Variants in CDC42BPA observed in about 807,000 individuals in gnomAD.
CDC42BPA encodes the protein CDC42 binding protein kinase alpha.
CDC42BPA carries 80 observed loss-of-function variants against 223.5 expected under a neutral mutation model. The ratio of observed to expected loss-of-function variants is 0.36; its 90% CI spans 0.30 to 0.43. The LOEUF (loss-of-function observed/expected upper bound fraction) is 0.43, where lower values mean the gene tolerates loss of function less well. CDC42BPA is among the 20% of genes least tolerant of loss of function. CDC42BPA has a pLI of 1.00. For missense variants in CDC42BPA, 1,743 were observed against 2,099.9 expected (o/e 0.83, Z 3.32); for synonymous variants, 694 against 718.6 (o/e 0.97, Z 0.55).
intron 5 of CDC42BPA, among the ~76,000 whole-genome samples, chr1:227,166,383 G>C (rs911965181): frequency 3.3e-5 from 5 of 152,154 alleles, no homozygotes; most frequent in African/African-American, 4.8e-5. Context: ...GCTGGTATGA[G>C]GCAGAATTTG....
At chr1:227,279,885 C>A (rs1038419090) in intron 1 of CDC42BPA, among the ~76,000 whole-genome samples, 2 of 151,990 alleles carry the variant, frequency 1.3e-5, no homozygotes, top group Non-Finnish European at 2.9e-5. Context: ...GGTGAAACCC[C>A]ATCTCTAATA....
intron 34 of CDC42BPA, among the ~76,000 whole-genome samples, chr1:227,005,392 C>A (rs1318986877): frequency 6.6e-6 from 1 of 152,136 alleles, no homozygotes; most frequent in Non-Finnish European, 1.5e-5. Flanking sequence ...TAAGTAAAAG[C>A]TATATGGTTA....
chr1:227,205,396 AAAC>A (rs1035063125), intron 3 of CDC42BPA, among the ~76,000 whole-genome samples: 1 of 151,782 alleles, frequency 6.6e-6, no homozygotes, highest in Non-Finnish European at 1.5e-5. Flanking sequence ...AGAAGTGAAA[AAAC>A]AATACATATT....
chr1:227,089,636 T>G (rs906410619), intron 16 of CDC42BPA, among the ~76,000 whole-genome samples: 2 of 137,814 alleles, frequency 1.5e-5, no homozygotes, highest in African/African-American at 2.7e-5. Flanking sequence ...CGTTTTTTTT[T>G]TTTTTTTTTT....
chr1:226,992,245 CTTCA>C lies in CDC42BPA; in HGVS notation c.*2019_*2022del, dbSNP rs962950721. On this transcript the variant is annotated 3_prime_UTR_variant, in exon 37 of 37. Coordinates refer to ENST00000366766, the MANE Select transcript of CDC42BPA (RefSeq NM_001394014.1). Reference sequence around the variant, plus strand: ...TTCAGGTGAGAAAAGTATTTTTATACTTCATTCTAAAAAGCAGAAAGATTTGGGA... The same window carrying C: ...TTCAGGTGAGAAAAGTATTTTTATACTTCTAAAAAGCAGAAAGATTTGGGA... 6.6e-6 allele frequency: 1 copy of C among 152,172 alleles called. No homozygotes were observed. Among genetic ancestry groups the C allele is most frequent in the African/African-American group, 2.4e-5 (1 of 41,440 alleles). The allele number at this position is 152,172 out of a possible 1,614,324, so 9.4% of individuals were successfully genotyped here. A position where few individuals can be genotyped will look rare whatever the true frequency, so the allele number is the denominator to read the frequency against.
chr1:227,066,064 C>A (rs757895510), intron 21 of CDC42BPA, among the ~76,000 whole-genome samples: 9 of 152,118 alleles, frequency 5.9e-5, no homozygotes, highest in Non-Finnish European at 1.3e-4. Flanking sequence ...AGATTTGGCA[C>A]AGAGAACAAC....
At chr1:227,115,468 A>G (rs1284059774) in intron 12 of CDC42BPA, among the ~76,000 whole-genome samples, 2 of 151,986 alleles carry the variant, frequency 1.3e-5, no homozygotes, top group African/African-American at 4.8e-5. Context: ...ACATCACTAT[A>G]ATGAAAAATT....
intron 7 of CDC42BPA, 60 bp from the exon 8 acceptor site, chr1:227,145,797 T>A: frequency 7.4e-7 from 1 of 1,342,610 alleles, no homozygotes; most frequent in Non-Finnish European, 1.0e-6. Context: ...AAGTAGTTGG[T>A]TGACTTATTT....
chr1:227,081,296 A>G (rs989576682), intron 16 of CDC42BPA, among the ~76,000 whole-genome samples: 1 of 151,690 alleles, frequency 6.6e-6, no homozygotes, highest in Non-Finnish European at 1.5e-5. Flanking sequence ...TTTTTTCTCC[A>G]AAAATGTCTT....
chr1:227,012,925 CAATAAA>C (rs1665499000), intron 34 of CDC42BPA, among the ~76,000 whole-genome samples: 2 of 151,902 alleles, frequency 1.3e-5, no homozygotes, highest in African/African-American at 4.8e-5. Context: ...AGTAAGTGCT[CAATAAA>C]TATTTGTTAG....
At chr1:227,154,375 C>T (rs563805291) in intron 6 of CDC42BPA, among the ~76,000 whole-genome samples, 1 of 151,832 alleles carries the variant, frequency 6.6e-6, no homozygotes, top group Admixed American at 6.6e-5. Flanking sequence ...TCATTAGACT[C>T]CATGGTAAGA....
intron 24 of CDC42BPA, among the ~76,000 whole-genome samples, chr1:227,038,109 A>G (rs1236025645): frequency 1.3e-5 from 2 of 152,192 alleles, no homozygotes; most frequent in Non-Finnish European, 2.9e-5. Flanking sequence ...TGGGAGGGAC[A>G]CAGTGGGAGG....
At chr1:226,999,036 C>CA (rs527238781) in intron 35 of CDC42BPA, among the ~76,000 whole-genome samples, 4 of 151,734 alleles carry the variant, frequency 2.6e-5, no homozygotes, top group East Asian at 3.9e-4. Context: ...AAGAAACATA[C>CA]AAAAAAAAGC....
In CDC42BPA at chr1:227,147,639, CATT is replaced by C. The variant is rs1471267035; in HGVS notation, c.694-83_694-81del. 68 of 693,532 alleles carry C rather than the reference CATT, an allele frequency of 9.8e-5. 1 individual carries two copies. The highest frequency in any genetic ancestry group is 3.0e-4 in the Admixed American group (9 of 29,786). 43.0% of individuals were successfully genotyped at this position (693,532 alleles called of 1,614,324 possible). ...ATAGTTACTTAAGATACACAATAGACATTATTATCTCATAAACACATCTTTGTC... is the reference window on the plus strand; with the variant it reads ...ATAGTTACTTAAGATACACAATAGACATTATCTCATAAACACATCTTTGTC... On this transcript the variant is annotated intron_variant, in intron 6 of 36. Coordinates refer to ENST00000366766, the MANE Select transcript of CDC42BPA (RefSeq NM_001394014.1).
At position 227,047,967 on chromosome 1, in the gene CDC42BPA, C is replaced by T. The variant is rs755256270; in HGVS notation, c.3053G>A (p.Arg1018Lys). ...TPLSVHTPTL[R>K]KKGCPGSTGF... ...AGTTGAACCAGGACATCCTTTTTTC[C>T]TTAAGGTTGGTGTGTGAACTGAAAG... The change falls in exon 23 of 37, where the codon AGG becomes AAG. Residue 1018 changes from arginine to lysine, a missense_variant. Arg to Lys is a conservative substitution (Grantham distance 26). This residue lies in a region of CDC42BPA where 678 missense variants were observed against 777.5 expected (regional missense o/e 0.87). Coordinates refer to ENST00000366766, the MANE Select transcript of CDC42BPA (RefSeq NM_001394014.1). 6.2e-7 allele frequency: 1 copy of T among 1,611,332 alleles called. No individual in the cohort carries two copies. Among genetic ancestry groups the T allele is most frequent in the Non-Finnish European group, 8.5e-7 (1 of 1,178,228 alleles).
chr1:227,246,510 G>C (rs1307156165), intron 2 of CDC42BPA, among the ~76,000 whole-genome samples: 1 of 152,142 alleles, frequency 6.6e-6, no homozygotes, highest in Non-Finnish European at 1.5e-5. Context: ...CAGAGTTCCA[G>C]GTGGCTCGAT....
chr1:227,001,578 A>C (rs562205024), intron 35 of CDC42BPA, among the ~76,000 whole-genome samples: 2 of 152,302 alleles, frequency 1.3e-5, no homozygotes, highest in Admixed American at 1.3e-4. Flanking sequence ...AAGTTTTTTC[A>C]CAAGCTTGAT....
chr1:227,123,096 GGT>G (rs1335734386), intron 11 of CDC42BPA, among the ~76,000 whole-genome samples: 1 of 152,126 alleles, frequency 6.6e-6, no homozygotes, highest in Non-Finnish European at 1.5e-5. Flanking sequence ...TTAGGCCAGG[GGT>G]TCAAGACCAG....
At chr1:227,150,278 A>T (rs1661497346) in intron 6 of CDC42BPA, among the ~76,000 whole-genome samples, 1 of 151,798 alleles carries the variant, frequency 6.6e-6, no homozygotes, top group Non-Finnish European at 1.5e-5. Flanking sequence ...ATAAAACCAG[A>T]CTCATGTCTA....
Sources: gnomAD v4.1 joint callset for allele counts (sites outside exome capture counted in the v4.1 genomes callset) on GRCh38, gnomAD v4.1.1 for gene constraint, gnomAD v4.1.1 regional missense constraint, MANE v1.5 for transcripts, NCBI Gene and HGNC (gene_info 2026-07-23, HGNC 2026-07-21) for gene names.